CYTH3: variants seen among roughly 807,000 people sequenced by gnomAD.
CYTH3 encodes cytohesin-3.
In CYTH3, 23 loss-of-function variants were observed where a neutral mutation model predicts 55.1. The ratio of observed to expected loss-of-function variants is 0.42; its 90% confidence interval spans 0.30 to 0.59. The LOEUF is 0.59. Among genes scored for constraint, CYTH3 ranks in the 20% least tolerant of loss-of-function variants. The pLI is 0.20. For synonymous variants in CYTH3, 249 were observed against 194.9 expected, an observed-to-expected ratio of 1.28 and a Z score of -2.31; for missense variants, 413 against 524.8, an observed-to-expected ratio of 0.79 and a Z score of 2.08.
At chr7:6,249,233 G>C (rs534435983) in intron 1 of CYTH3, among the ~76,000 whole-genome samples, 16 of 152,158 alleles carry the variant, frequency 1.1e-4, no homozygotes, top group African/African-American at 3.9e-4. Flanking sequence ...GCTTCTCTTG[G>C]GGATGAAAAA....
chr7:6,171,621 A>T lies in CYTH3; in HGVS notation c.450-307T>A. The T allele has an allele frequency of 3.2e-6, 1 of 315,150 alleles. No homozygotes were observed. Among genetic ancestry groups the T allele is most frequent in the Non-Finnish European group, 6.3e-6 (1 of 159,612 alleles). 19.5% of individuals were successfully genotyped at this position (315,150 alleles called of 1,614,324 possible). A position where few individuals can be genotyped will look rare whatever the true frequency, so the allele number is the denominator to read the frequency against. ...CTGGCACTTCTCTGTCCCCATTGCC[A>T]CCATCTCCTGCTGCTGCCAGGTGAT... On this transcript the variant is annotated intron_variant, in intron 6 of 12. Transcript: ENST00000350796. The surrounding 1 kb of genome is among the most constrained non-coding windows in gnomAD (Gnocchi z 6.7).
chr7:6,262,328 A>C (rs1257478568), intron 1 of CYTH3, among the ~76,000 whole-genome samples: 1 of 152,202 alleles, frequency 6.6e-6, no homozygotes, highest in Non-Finnish European at 1.5e-5. Context: ...TTTAAGATCA[A>C]GCTTTGTCAC....
intron 4 of CYTH3, among the ~76,000 whole-genome samples, chr7:6,182,635 T>C (rs145862672): frequency 0.017 from 2,529 of 152,158 alleles, 43 homozygotes; most frequent in Non-Finnish European, 0.023. Flanking sequence ...GCCTCTCAAG[T>C]AGCTGGGACT....
chr7:6,190,428 G>GTTTTTTT (rs377416706), intron 2 of CYTH3, 21 bp downstream of exon 2: 15 of 1,266,078 alleles, frequency 1.2e-5, no homozygotes, highest in South Asian at 6.8e-5. Flanking sequence ...TGGATTTTTG[G>GTTTTTTT]TTTTTTTTTT....
chr7:6,196,961 A>G lies in CYTH3; in HGVS notation c.35-6430T>C, dbSNP rs751436531. Among the ~76,000 whole-genome samples, 24 of 152,304 alleles carry G rather than the reference A, an allele frequency of 1.6e-4. No homozygotes were observed. The Middle Eastern group carries it at 0.024, about 151-fold the overall frequency. ...GCAAGGGGAGAGCTTTAATTCAAGC[A>G]TCGGCATACATTTCTGTTTCCTTTT... On this transcript the variant is annotated intron_variant, in intron 1 of 12. Coordinates refer to ENST00000350796, the MANE Select transcript of CYTH3 (RefSeq NM_004227.4).
At chr7:6,200,402 C>G (rs1335397524) in intron 1 of CYTH3, among the ~76,000 whole-genome samples, 1 of 152,182 alleles carries the variant, frequency 6.6e-6, no homozygotes, top group African/African-American at 2.4e-5. Flanking sequence ...GGCCAGAACC[C>G]TCACTATGTT....
At position 6,177,920 on chromosome 7, in the gene CYTH3, T is replaced by C. The variant is rs1474732204; in HGVS notation, c.271A>G (p.Asn91Asp). 1.2e-6 allele frequency: 2 copies of C among 1,614,026 alleles called. No individual in the cohort carries two copies. The highest frequency in any genetic ancestry group is 1.7e-6 in the Non-Finnish European group (2 of 1,179,872). The stretch of plus-strand genomic sequence containing the variant: ...TCTGGGGAACTCTGTAGCAGGTCAT[T>C]TTCTATTAGAAACTGAATTCCCTGA... Reference protein sequence around the residue: ...PKKGIQFLIENDLLQSSPEDV... With the variant: ...PKKGIQFLIEDDLLQSSPEDV... The change falls in exon 5 of 13, where the codon AAT becomes GAT. Residue 91 changes from asparagine (N) to aspartate (D), a missense_variant. Asn to Asp is a conservative substitution (Grantham distance 23, BLOSUM62 1). This residue lies in a region of CYTH3 where 152 missense variants were observed against 148.1 expected (regional missense o/e 1.03). Coordinates refer to ENST00000350796, the MANE Select transcript of CYTH3 (RefSeq NM_004227.4).
In CYTH3 at chr7:6,167,898, C is replaced by T. The variant is rs1439744785; in HGVS notation, c.824-2088G>A. ...TCAGCTCCACCTTGGGTCCCCCGCT[C>T]ACACCTCCCATGCAGAGCCCCATCC... On this transcript the variant is annotated intron_variant, in intron 9 of 12. Transcript: ENST00000350796. This position sits in a 1 kb window ranked among gnomAD's most constrained non-coding sequence, Gnocchi z 5.5. Among the ~76,000 whole-genome samples, 1 of 152,252 alleles carries T rather than the reference C, an allele frequency of 6.6e-6. No individual in the cohort carries two copies. The highest frequency in any genetic ancestry group is 1.5e-5 in the Non-Finnish European group (1 of 68,032).
At chr7:6,199,516 A>G (rs931441372) in intron 1 of CYTH3, among the ~76,000 whole-genome samples, 2 of 152,210 alleles carry the variant, frequency 1.3e-5, no homozygotes, top group Non-Finnish European at 2.9e-5. Context: ...AGCAAACAAA[A>G]TAACAAAATT....
chr7:6,201,174 C>T (rs564550409), intron 1 of CYTH3, among the ~76,000 whole-genome samples: 47 of 152,308 alleles, frequency 3.1e-4, no homozygotes, highest in Non-Finnish European at 5.4e-4. Flanking sequence ...CCTCACCACT[C>T]GACAGTCGGG....
At chr7:6,212,896 C>T (rs1012050641) in intron 1 of CYTH3, among the ~76,000 whole-genome samples, 2 of 152,316 alleles carry the variant, frequency 1.3e-5, no homozygotes, top group East Asian at 3.9e-4. Context: ...GAGGAATCTC[C>T]ACACTGTTTT....
At chr7:6,244,116 T>G in intron 1 of CYTH3, among the ~76,000 whole-genome samples, 1 of 152,236 alleles carries the variant, frequency 6.6e-6, no homozygotes, top group Non-Finnish European at 1.5e-5. Context: ...CATACAGAAT[T>G]GCATCTTATG....
At position 6,164,671 on chromosome 7, in the gene CYTH3, C is replaced by A; in HGVS notation, c.*273G>T. On this transcript the variant is annotated 3_prime_UTR_variant, in exon 13 of 13. Coordinates refer to ENST00000350796, the MANE Select transcript of CYTH3 (RefSeq NM_004227.4). ...GGAAATGCTTCTGGACATGCGCAGC[C>A]GACCATGACCCCAGCCACGGCAGGA... The A allele has an allele frequency of 2.0e-6, 1 of 510,068 alleles. No individual in the cohort carries two copies. 31.6% of individuals were successfully genotyped at this position (510,068 alleles called of 1,614,324 possible). A position where few individuals can be genotyped will look rare whatever the true frequency, so the allele number is the denominator to read the frequency against.
chr7:6,235,472 CA>C (rs57661153), intron 1 of CYTH3, among the ~76,000 whole-genome samples: 11,098 of 93,552 alleles, frequency 0.12, 1,042 homozygotes, highest in African/African-American at 0.31. Context: ...GACTCTATCT[CA>C]AAAAAAAAAA....
chr7:6,165,475 G>T, intron 11 of CYTH3, 48 bp from the exon 12 acceptor site: 1 of 1,609,302 alleles, frequency 6.2e-7, no homozygotes, highest in South Asian at 1.1e-5. Flanking sequence ...CTTGGGGCAG[G>T]TTCCCTGCAG....
chr7:6,268,293 G>A (rs1355495814), intron 1 of CYTH3, among the ~76,000 whole-genome samples: 4 of 152,130 alleles, frequency 2.6e-5, no homozygotes, highest in Non-Finnish European at 4.4e-5. Flanking sequence ...TCAGCCTCCC[G>A]CGTAGCTGAG....
chr7:6,184,867 C>A (rs775214388), intron 4 of CYTH3, among the ~76,000 whole-genome samples: 1 of 152,144 alleles, frequency 6.6e-6, no homozygotes. Flanking sequence ...CGTAAGCCAC[C>A]GCACCAGGAC....
intron 1 of CYTH3, among the ~76,000 whole-genome samples, chr7:6,243,431 G>A (rs2128555863): frequency 6.6e-6 from 1 of 152,308 alleles, no homozygotes; most frequent in Non-Finnish European, 1.5e-5. Flanking sequence ...TGGGGGTGGG[G>A]AAGCAATGTA....
At chr7:6,252,829 T>G (rs752258087) in intron 1 of CYTH3, among the ~76,000 whole-genome samples, 3 of 152,206 alleles carry the variant, frequency 2.0e-5, no homozygotes, top group Non-Finnish European at 4.4e-5. Context: ...TTCCAATTGT[T>G]AAGTTCATTT....
Sources: gnomAD v4.1 joint callset for allele counts (sites outside exome capture counted in the v4.1 genomes callset) on GRCh38, gnomAD v4.1.1 for gene constraint, gnomAD v4.1.1 regional missense constraint, Gnocchi (gnomAD v3.1) non-coding constraint, MANE v1.5 for transcripts, NCBI Gene and HGNC (gene_info 2026-07-23, HGNC 2026-07-21) for gene names.